STAU2: variants seen among roughly 807,000 people sequenced by gnomAD.
The protein encoded by STAU2 is staufen double-stranded RNA binding protein 2.
STAU2 carries 20 observed loss-of-function variants against 65.9 expected under a neutral mutation model. That is an observed-to-expected ratio of 0.30 (90% CI 0.21 to 0.44). STAU2 has a LOEUF of 0.44. Among genes scored for constraint, STAU2 ranks in the 20% least tolerant of loss-of-function variants. The pLI, the probability that STAU2 is intolerant of heterozygous loss-of-function variation, is 1.00. For synonymous variants in STAU2, 232 were observed against 233.9 expected (o/e 0.99, Z 0.07); for missense variants, 558 against 683.9 (o/e 0.82, Z 2.05).
intron 13 of STAU2, among the ~76,000 whole-genome samples, chr8:73,444,913 T>C (rs1052953588): frequency 2.6e-5 from 4 of 152,224 alleles, no homozygotes; most frequent in African/African-American, 9.6e-5. Context: ...ACATACTTTG[T>C]TAACTCTCAT....
At chr8:73,691,639 C>G (rs1819327669) in intron 4 of STAU2, among the ~76,000 whole-genome samples, 1 of 151,970 alleles carries the variant, frequency 6.6e-6, no homozygotes, top group South Asian at 2.1e-4. Context: ...ATACATGCAC[C>G]AATGATATGT....
chr8:73,446,612 A>T (rs1246194732), intron 13 of STAU2, among the ~76,000 whole-genome samples: 1 of 152,202 alleles, frequency 6.6e-6, no homozygotes, highest in East Asian at 1.9e-4. Flanking sequence ...TGCTTTTGGA[A>T]AAACAGTATT....
intron 13 of STAU2, among the ~76,000 whole-genome samples, chr8:73,533,317 T>G (rs1293372661): frequency 1.3e-5 from 2 of 152,236 alleles, no homozygotes; most frequent in Non-Finnish European, 1.5e-5. Context: ...AAAGGTGAGT[T>G]ATAAATTTCA....
At chr8:73,508,412 A>G (rs975102084) in intron 13 of STAU2, among the ~76,000 whole-genome samples, 3 of 152,210 alleles carry the variant, frequency 2.0e-5, no homozygotes, top group Admixed American at 6.5e-5. Flanking sequence ...CAGTGAGAAC[A>G]CACAGAACAT....
intron 10 of STAU2, among the ~76,000 whole-genome samples, chr8:73,603,145 G>A (rs1811767085): frequency 6.6e-6 from 1 of 152,164 alleles, no homozygotes. Flanking sequence ...ATAGGTAGGG[G>A]TTGAAAAGGA....
In STAU2 at chr8:73,622,123, AT is replaced by A. The variant is rs71269924; in HGVS notation, c.411-4673del. 2.8e-4 allele frequency among the ~76,000 whole-genome samples: 7 copies of A among 25,180 alleles called. 1 individual carries two copies. The highest frequency in any genetic ancestry group is 1.4e-3 in the South Asian group (1 of 726). The allele number at this position is 25,180 out of a possible 152,430, so 16.5% of individuals were successfully genotyped here. A position where few individuals can be genotyped will look rare whatever the true frequency, so the allele number is the denominator to read the frequency against. Reference sequence around the variant, plus strand: ...AGGCGCCCGCCACCATGCCCAGCTAATTTTTTTTTTTTTTTTTTTTTTGAGA... The same window carrying A: ...AGGCGCCCGCCACCATGCCCAGCTAATTTTTTTTTTTTTTTTTTTTTGAGA... On this transcript the variant is annotated intron_variant, in intron 6 of 14. Coordinates refer to ENST00000524300, the MANE Select transcript of STAU2 (RefSeq NM_001164380.2).
At chr8:73,562,690 T>C (rs1251867016) in intron 12 of STAU2, among the ~76,000 whole-genome samples, 2 of 152,242 alleles carry the variant, frequency 1.3e-5, no homozygotes, top group African/African-American at 4.8e-5. Flanking sequence ...ATTCTCCTTA[T>C]ATGATCTAAT....
Position 73,737,179 on chromosome 8 carries a change from GTTTT to G in STAU2, c.-18+1101_-18+1104del, listed in dbSNP as rs898058103. ...ACCACGCCTGGCCAAGATTACTTTTGTTTTTTTTTTGAGACAGTCTCACTCTTTT... is the reference window on the plus strand; with the variant it reads ...ACCACGCCTGGCCAAGATTACTTTTGTTTTTTGAGACAGTCTCACTCTTTT... On this transcript the variant is annotated intron_variant, in intron 3 of 14. Transcript: ENST00000524300. Among the ~76,000 whole-genome samples, 3 of 143,268 alleles carry G rather than the reference GTTTT, an allele frequency of 2.1e-5. No individual in the cohort carries two copies. In the East Asian group the frequency reaches 6.2e-4, roughly 30 times the overall value. The allele number at this position is 143,268 out of a possible 152,430, so 94.0% of individuals were successfully genotyped here.
chr8:73,490,292 T>G (rs1821097864), intron 13 of STAU2, among the ~76,000 whole-genome samples: 7 of 152,032 alleles, frequency 4.6e-5, no homozygotes, highest in Admixed American at 4.6e-4. Context: ...CGCAACCCTC[T>G]GCCTCCCACT....
At chr8:73,606,162 T>C (rs1812023171) in intron 9 of STAU2, among the ~76,000 whole-genome samples, 1 of 151,918 alleles carries the variant, frequency 6.6e-6, no homozygotes, top group Non-Finnish European at 1.5e-5. Flanking sequence ...TAGGTAACAA[T>C]TTCTTAGATA....
At chr8:73,716,386 G>A (rs1021535314) in intron 3 of STAU2, among the ~76,000 whole-genome samples, 2 of 152,148 alleles carry the variant, frequency 1.3e-5, no homozygotes, top group Non-Finnish European at 2.9e-5. Context: ...CACTGCGCCC[G>A]GCCAGAGTAA....
chr8:73,462,821 T>C (rs906510591), intron 13 of STAU2, among the ~76,000 whole-genome samples: 1 of 152,210 alleles, frequency 6.6e-6, no homozygotes, highest in African/African-American at 2.4e-5. Context: ...TTAATGTCTT[T>C]ATGATATCTA....
intron 6 of STAU2, among the ~76,000 whole-genome samples, chr8:73,641,047 T>C (rs920420543): frequency 6.6e-6 from 1 of 152,212 alleles, no homozygotes; most frequent in Non-Finnish European, 1.5e-5. Context: ...TATATAATAC[T>C]TGCCCACTGA....
intron 12 of STAU2, among the ~76,000 whole-genome samples, chr8:73,574,308 G>C (rs1809345519): frequency 6.6e-6 from 1 of 152,146 alleles, no homozygotes; most frequent in Non-Finnish European, 1.5e-5. Flanking sequence ...ACTGTAGGTG[G>C]GACTGTAAAC....
intron 13 of STAU2, among the ~76,000 whole-genome samples, chr8:73,456,515 A>C (rs1361407097): frequency 2.0e-5 from 3 of 151,876 alleles, no homozygotes; most frequent in Non-Finnish European, 4.4e-5. Context: ...GACATGAAAG[A>C]GGAAGAGTTT....
intron 5 of STAU2, among the ~76,000 whole-genome samples, chr8:73,687,268 T>TTACATTTATAAA: frequency 2.1e-5 from 1 of 46,970 alleles, no homozygotes; most frequent in Admixed American, 2.3e-4. Flanking sequence ...ATATTTCTAT[T>TTACATTTATAAA]AATTTACATT....
intron 6 of STAU2, among the ~76,000 whole-genome samples, chr8:73,649,746 T>C (rs1280318582): frequency 6.6e-6 from 1 of 151,308 alleles, no homozygotes; most frequent in Non-Finnish European, 1.5e-5. Flanking sequence ...ACAACAAAAG[T>C]TCCAAACACA....
chr8:73,621,890 T>C (rs147412732), intron 6 of STAU2, among the ~76,000 whole-genome samples: 7 of 151,982 alleles, frequency 4.6e-5, no homozygotes, highest in African/African-American at 1.7e-4. Flanking sequence ...GGCAATTGCT[T>C]CAGAGTCCAT....
chr8:73,526,275 C>A (rs1236309716), intron 13 of STAU2, among the ~76,000 whole-genome samples: 1 of 152,170 alleles, frequency 6.6e-6, no homozygotes, highest in African/African-American at 2.4e-5. Context: ...CTGCAGCAAA[C>A]CTATACTATG....
Sources: allele counts gnomAD v4.1 joint callset (sites outside exome capture counted in the v4.1 genomes callset), GRCh38; gene constraint gnomAD v4.1.1; transcripts MANE v1.5; gene names NCBI Gene and HGNC (gene_info 2026-07-23, HGNC 2026-07-21).